Variants in SBF2 observed in about 807,000 individuals in gnomAD.
The protein encoded by SBF2 is SET binding factor 2, also known as myotubularin-related protein 13.
SBF2 carries 112 observed loss-of-function variants against 225.2 expected under a neutral mutation model. The ratio of observed to expected loss-of-function variants is 0.50; its 90% CI spans 0.43 to 0.58. The LOEUF is 0.58. SBF2 is among the 20% of genes least tolerant of loss of function. The pLI is 0.00. For synonymous variants in SBF2, 763 were observed against 773.3 expected, an observed-to-expected ratio of 0.99 and a Z score of 0.22; for missense variants, 1,996 against 2,206.2, an observed-to-expected ratio of 0.90 and a Z score of 1.91.
chr11:9,941,236 G>A (rs1407217073), intron 16 of SBF2, among the ~76,000 whole-genome samples: 2 of 152,126 alleles, frequency 1.3e-5, no homozygotes, highest in South Asian at 4.1e-4. Flanking sequence ...GATCACTTGA[G>A]CCCATAAGTT....
At chr11:9,896,122 T>C in intron 16 of SBF2, 111 bp from the exon 17 acceptor site, 1 of 898,614 alleles carries the variant, frequency 1.1e-6, no homozygotes, top group South Asian at 1.3e-5. Context: ...GTTTTTACCT[T>C]TTTATTTTGC....
At chr11:10,048,585 A>G (rs1949955665) in intron 2 of SBF2, among the ~76,000 whole-genome samples, 1 of 152,190 alleles carries the variant, frequency 6.6e-6, no homozygotes, top group African/African-American at 2.4e-5. Context: ...TTTGGCAGAC[A>G]TTTTCTCAAC....
At chr11:9,820,366 G>T (rs1854683832) in intron 28 of SBF2, among the ~76,000 whole-genome samples, 1 of 152,224 alleles carries the variant, frequency 6.6e-6, no homozygotes, top group African/African-American at 2.4e-5. Context: ...GGTGCTGGCT[G>T]ATGACAGACA....
intron 17 of SBF2, 46 bp from the exon 18 acceptor site, chr11:9,858,442 T>C (rs779322676): frequency 5.0e-6 from 8 of 1,586,034 alleles, no homozygotes; most frequent in Non-Finnish European, 6.9e-6. Context: ...GGCAGAATTA[T>C]AACAGTTCAT....
chr11:9,808,798 A>T, intron 31 of SBF2, 103 bp downstream of exon 31: 1 of 878,400 alleles, frequency 1.1e-6, no homozygotes, highest in South Asian at 1.5e-5. Context: ...TTCTCTGTCC[A>T]TAAACACATT....
intron 1 of SBF2, among the ~76,000 whole-genome samples, chr11:10,228,825 G>C (rs1242643757): frequency 6.6e-6 from 1 of 152,138 alleles, no homozygotes; most frequent in African/African-American, 2.4e-5. Context: ...GATGATGCTG[G>C]CCTCATAAAA....
intron 6 of SBF2, among the ~76,000 whole-genome samples, chr11:10,012,727 T>C (rs568559757): frequency 6.6e-6 from 1 of 152,300 alleles, no homozygotes; most frequent in Non-Finnish European, 1.5e-5. Flanking sequence ...TTGGTAAAAA[T>C]TGGACATTAT....
Position 9,839,571 on chromosome 11 carries a change from C to T in SBF2, c.3382G>A (p.Gly1128Ser), listed in dbSNP as rs1474699941. 1 of 1,614,142 alleles carries T rather than the reference C, an allele frequency of 6.2e-7. No homozygotes were observed. The highest frequency in any genetic ancestry group is 8.5e-7 in the Non-Finnish European group (1 of 1,180,026). ...YQRLGLGTIS[G>S]SSSRSRPEYF... ...TCGGGTCTTGAACGGGAAGAGCTGC[C>T]ACTTATGGTTCCTAAACCTAAACGC... The change falls in exon 26 of 40, where the codon GGC (glycine) becomes AGC (serine). Residue 1128 changes from glycine to serine, a missense_variant. Physicochemically the swap from Gly to Ser is moderately conservative, Grantham distance 56. Coordinates refer to ENST00000256190, the MANE Select transcript of SBF2 (RefSeq NM_030962.4).
intron 28 of SBF2, chr11:9,828,050 A>G: frequency 2.4e-6 from 2 of 827,510 alleles, no homozygotes; most frequent in South Asian, 1.6e-5. Context: ...TTGATTTAAA[A>G]TATCAACTAT....
chr11:10,217,394 CTA>C (rs1324890782), intron 1 of SBF2, among the ~76,000 whole-genome samples: 2 of 152,058 alleles, frequency 1.3e-5, no homozygotes, highest in Non-Finnish European at 2.9e-5. Flanking sequence ...TGTTTAATGA[CTA>C]TTTTGTTTAC....
intron 16 of SBF2, among the ~76,000 whole-genome samples, chr11:9,908,364 G>A (rs1242236144): frequency 1.3e-5 from 2 of 152,148 alleles, no homozygotes; most frequent in Non-Finnish European, 2.9e-5. Context: ...GGTGGCTCAC[G>A]CCTGTAATCC....
At chr11:9,829,675 A>ATCC in intron 27 of SBF2, 179 bp from the exon 28 acceptor site, 1 of 597,550 alleles carries the variant, frequency 1.7e-6, no homozygotes, top group Non-Finnish European at 3.0e-6. Context: ...TAAATGGCTA[A>ATCC]TCCTCCACTG....
intron 2 of SBF2, among the ~76,000 whole-genome samples, chr11:10,115,847 A>G (rs2135030457): frequency 6.6e-6 from 1 of 152,326 alleles, no homozygotes; most frequent in Middle Eastern, 3.4e-3. Context: ...TAATACTACT[A>G]CAAACACAAT....
intron 6 of SBF2, among the ~76,000 whole-genome samples, chr11:10,027,063 C>T (rs1949081703): frequency 6.6e-6 from 1 of 152,048 alleles, no homozygotes; most frequent in African/African-American, 2.4e-5. Flanking sequence ...TTAATACATG[C>T]ATTACTTCAC....
In SBF2 at chr11:10,136,026, G is replaced by A. The variant is rs1954333438; in HGVS notation, c.141+57876C>T. ...AAGAAAGGCGTTTAATAGACTCACA[G>A]CTCCACATGGCTGGGGAGGCCTCAC... is the stretch of plus-strand genomic sequence containing the variant. On this transcript the variant is annotated intron_variant, in intron 2 of 39. Transcript: ENST00000256190. 2.6e-5 allele frequency among the ~76,000 whole-genome samples: 4 copies of A among 152,280 alleles called. No homozygotes were observed. The South Asian group carries it at 8.3e-4, about 32-fold the overall frequency.
chr11:9,856,394 C>G (rs1857315176), intron 19 of SBF2, 64 bp downstream of exon 19: 2 of 1,598,748 alleles, frequency 1.3e-6, no homozygotes, highest in African/African-American at 2.7e-5. Context: ...TTAATATTAT[C>G]TGTCAAGCCA....
intron 2 of SBF2, among the ~76,000 whole-genome samples, chr11:10,062,622 A>T (rs1307014547): frequency 2.6e-5 from 4 of 152,248 alleles, no homozygotes; most frequent in Admixed American, 2.6e-4. Flanking sequence ...AGAAATGCAA[A>T]TCAAAACCAC....
chr11:10,016,755 A>G (rs144693205), intron 6 of SBF2: 11,585 of 152,166 alleles, frequency 0.076, 490 homozygotes, highest in Middle Eastern at 0.17. Context: ...CAAAGTGCTG[A>G]GATTACAGGC....
chr11:9,787,243 G>T (rs1040126981), intron 36 of SBF2, among the ~76,000 whole-genome samples: 1 of 152,170 alleles, frequency 6.6e-6, no homozygotes, highest in Non-Finnish European at 1.5e-5. Context: ...ACAGAAAAGG[G>T]ACTGTGAACA....
Sources: allele counts gnomAD v4.1 joint callset (sites outside exome capture counted in the v4.1 genomes callset), GRCh38; gene constraint gnomAD v4.1.1; transcripts MANE v1.5; gene names NCBI Gene and HGNC (gene_info 2026-07-23, HGNC 2026-07-21).